SPTLC2: variants seen among roughly 807,000 people sequenced by gnomAD.
SPTLC2 encodes serine palmitoyltransferase long chain base subunit 2.
SPTLC2 carries 21 observed loss-of-function variants against 62.0 expected under a neutral mutation model. The ratio of observed to expected loss-of-function variants is 0.34; its 90% confidence interval spans 0.24 to 0.49. The LOEUF (loss-of-function observed/expected upper bound fraction) is 0.49, where lower values mean the gene tolerates loss of function less well. Among genes scored for constraint, SPTLC2 ranks in the 20% least tolerant of loss-of-function variants. SPTLC2 has a pLI of 0.99. For synonymous variants in SPTLC2, 261 were observed against 261.8 expected, an observed-to-expected ratio of 1.00 and a Z score of 0.03; for missense variants, 511 against 713.0, an observed-to-expected ratio of 0.72 and a Z score of 3.23.
chr14:77,540,527 T>G (rs1444542081), intron 9 of SPTLC2, among the ~76,000 whole-genome samples: 2 of 152,192 alleles, frequency 1.3e-5, no homozygotes, highest in African/African-American at 4.8e-5. Context: ...CAGGCTGGAG[T>G]GCAGTGGTGT....
At chr14:77,567,776 G>T (rs2079653475) in intron 5 of SPTLC2, among the ~76,000 whole-genome samples, 1 of 148,034 alleles carries the variant, frequency 6.8e-6, no homozygotes, top group African/African-American at 2.5e-5. Context: ...TCTTCCTTCT[G>T]CTTAGTTTGG....
At chr14:77,553,229 G>A (rs1179894802) in intron 8 of SPTLC2, among the ~76,000 whole-genome samples, 1 of 151,884 alleles carries the variant, frequency 6.6e-6, no homozygotes, top group East Asian at 1.9e-4. Flanking sequence ...ACAAATTAGG[G>A]GGACACAAAT....
chr14:77,530,492 CT>C, intron 9 of SPTLC2, among the ~76,000 whole-genome samples: 1 of 152,006 alleles, frequency 6.6e-6, no homozygotes, highest in Admixed American at 6.6e-5. Context: ...CCAGACTTAG[CT>C]AATTTTTGTA....
Position 77,506,384 on chromosome 14 carries a change from C to T in SPTLC2, c.*5900G>A, listed in dbSNP as rs1210477919. ...TGGTCAGGGGAAAAATATGGGTCAA[C>T]GAAGTAAGATCTCAGCTCTCCCATA... On this transcript the variant is annotated 3_prime_UTR_variant, in exon 12 of 12. Transcript: ENST00000216484. 2.6e-5 allele frequency: 4 copies of T among 152,158 alleles called. No homozygotes were observed. Among genetic ancestry groups the T allele is most frequent in the Admixed American group, 2.0e-4 (3 of 15,264 alleles). The allele number at this position is 152,158 out of a possible 1,614,324, so 9.4% of individuals were successfully genotyped here.
At chr14:77,591,672 G>A (rs2079817272) in intron 2 of SPTLC2, among the ~76,000 whole-genome samples, 1 of 143,212 alleles carries the variant, frequency 7.0e-6, no homozygotes, top group Non-Finnish European at 1.5e-5. Flanking sequence ...ATGATTCTGG[G>A]GGAGCTAAGT....
Position 77,508,857 on chromosome 14 carries a change from T to C in SPTLC2, c.*3427A>G, listed in dbSNP as rs1017372185. 4.6e-5 allele frequency: 7 copies of C among 152,220 alleles called. No homozygotes were observed. The highest frequency in any genetic ancestry group is 1.7e-4 in the African/African-American group (7 of 41,454). 9.4% of individuals were successfully genotyped at this position (152,220 alleles called of 1,614,324 possible). ...ACAAACAGAACCAAGGCGTCTGATA[T>C]GCTATCTTCAAAGCCCAGCACCACC... On this transcript the variant is annotated 3_prime_UTR_variant, in exon 12 of 12. Coordinates refer to ENST00000216484, the MANE Select transcript of SPTLC2 (RefSeq NM_004863.4).
chr14:77,582,087 C>T (rs1276427579), intron 2 of SPTLC2, among the ~76,000 whole-genome samples: 1 of 151,448 alleles, frequency 6.6e-6, no homozygotes, highest in Non-Finnish European at 1.5e-5. Context: ...GAGTCTCACT[C>T]TGTCACCCAG....
intron 1 of SPTLC2, 98 bp from the exon 2 acceptor site, chr14:77,597,478 G>T: frequency 8.2e-7 from 1 of 1,222,660 alleles, no homozygotes. Flanking sequence ...TATACCTTAA[G>T]AATTTTCTAA....
At position 77,536,601 on chromosome 14, in the gene SPTLC2, C is replaced by G. The variant is rs753754795; in HGVS notation, c.1304-15020G>C. On this transcript the variant is annotated intron_variant, in intron 9 of 11. Transcript: ENST00000216484. ...TAGCAATACCCCTTTTCATCCTAGT[C>G]CTTCCAGCCTATAGGCCGAGTTTAA... Among the ~76,000 whole-genome samples the G allele has an allele frequency of 2.6e-4, 40 of 152,198 alleles. 1 individual carries two copies. Among genetic ancestry groups the G allele is most frequent in the Admixed American group, 4.6e-4 (7 of 15,282 alleles).
At chr14:77,593,162 C>T (rs1159041128) in intron 2 of SPTLC2, among the ~76,000 whole-genome samples, 1 of 151,834 alleles carries the variant, frequency 6.6e-6, no homozygotes, top group Non-Finnish European at 1.5e-5. Flanking sequence ...TTGGTCCTCC[C>T]GTTTTTAAAT....
chr14:77,593,435 T>C (rs2079829518), intron 2 of SPTLC2, among the ~76,000 whole-genome samples: 1 of 152,216 alleles, frequency 6.6e-6, no homozygotes, highest in Admixed American at 6.5e-5. Context: ...TTGCTGTATC[T>C]GTCACGTACG....
chr14:77,586,664 C>T (rs564187297), intron 2 of SPTLC2, among the ~76,000 whole-genome samples: 28 of 152,060 alleles, frequency 1.8e-4, no homozygotes, highest in Admixed American at 4.6e-4. Flanking sequence ...GGATGGTAGA[C>T]GCAAAATACT....
intron 1 of SPTLC2, among the ~76,000 whole-genome samples, chr14:77,600,868 T>G (rs1244710245): frequency 6.6e-6 from 1 of 151,840 alleles, no homozygotes; most frequent in Non-Finnish European, 1.5e-5. Context: ...GGAAAAAAAA[T>G]CAATCTAATG....
chr14:77,527,070 A>G (rs1419503966), intron 9 of SPTLC2, among the ~76,000 whole-genome samples: 1 of 148,498 alleles, frequency 6.7e-6, no homozygotes, highest in Non-Finnish European at 1.5e-5. Flanking sequence ...CTGGGATTAC[A>G]GGCGTGAGCC....
intron 2 of SPTLC2, among the ~76,000 whole-genome samples, chr14:77,585,259 T>C (rs531553566): frequency 1.2e-4 from 18 of 152,318 alleles, no homozygotes; most frequent in African/African-American, 1.9e-4. Context: ...TGTTGAGAAA[T>C]AGATGTTTAA....
chr14:77,609,630 G>C (rs551016198), intron 1 of SPTLC2, among the ~76,000 whole-genome samples: 1 of 152,102 alleles, frequency 6.6e-6, no homozygotes, highest in Non-Finnish European at 1.5e-5. Context: ...CCAGCTACTC[G>C]GAAGGCGGAG....
intron 5 of SPTLC2, among the ~76,000 whole-genome samples, chr14:77,569,740 C>T (rs1371950918): frequency 7.3e-6 from 1 of 136,592 alleles, no homozygotes; most frequent in Admixed American, 7.8e-5. Flanking sequence ...CTCTCACACA[C>T]ACTACCCACT....
chr14:77,571,091 T>C lies in SPTLC2; in HGVS notation c.632-583A>G, dbSNP rs111818591. Among the ~76,000 whole-genome samples the C allele has an allele frequency of 2.3e-4, 35 of 152,292 alleles. 2 individuals carry two copies. Among genetic ancestry groups the C allele is most frequent in the African/African-American group, 8.4e-4 (35 of 41,562 alleles). ...TACACAGTCATAATTGCCTATCCAA[T>C]ACCACATGGAGCTAAGATAACATCA... On this transcript the variant is annotated intron_variant, in intron 4 of 11. Coordinates refer to ENST00000216484, the MANE Select transcript of SPTLC2 (RefSeq NM_004863.4).
At chr14:77,593,787 T>C (rs1243158660) in intron 2 of SPTLC2, among the ~76,000 whole-genome samples, 1 of 152,212 alleles carries the variant, frequency 6.6e-6, no homozygotes, top group Non-Finnish European at 1.5e-5. Flanking sequence ...AGCAACATTA[T>C]GTTTGCATTT....
Sources: gnomAD v4.1 joint callset for allele counts (sites outside exome capture counted in the v4.1 genomes callset) on GRCh38, gnomAD v4.1.1 for gene constraint, MANE v1.5 for transcripts, NCBI Gene and HGNC (gene_info 2026-07-23, HGNC 2026-07-21) for gene names.